The following CFI variants were observed in gnomAD, a reference collection of about 807,000 sequenced individuals.
CFI encodes complement factor I.
In CFI, 66 loss-of-function variants were observed where a neutral mutation model predicts 78.8. That is an observed-to-expected ratio of 0.84 (90% CI 0.69 to 1.03). The LOEUF is 1.03. CFI is among the 50% of genes least tolerant of loss of function. CFI has a pLI of 0.00. For synonymous variants in CFI, 250 were observed against 232.6 expected (o/e 1.07, Z -0.68); for missense variants, 706 against 704.5 (o/e 1.00, Z -0.02).
the CFI span, among the ~76,000 whole-genome samples, chr4:109,731,416 G>C: frequency 1.3e-5 from 2 of 152,100 alleles, no homozygotes; most frequent in African/African-American, 4.8e-5. Flanking sequence ...ATAAGTTCTA[G>C]GTTTGGCCTT....
chr4:109,774,908 T>C (rs1294066333), intron 1 of CFI, among the ~76,000 whole-genome samples: 2 of 152,164 alleles, frequency 1.3e-5, no homozygotes, highest in East Asian at 3.9e-4. Flanking sequence ...TTTGTGCTCT[T>C]TCAGTCTTTT....
chr4:109,748,606 G>A (rs1451424906), intron 10 of CFI, among the ~76,000 whole-genome samples: 3 of 152,158 alleles, frequency 2.0e-5, no homozygotes, highest in African/African-American at 4.8e-5. Flanking sequence ...TCTGGCAGGG[G>A]AAACAATATA....
chr4:109,749,375 A>G, intron 9 of CFI, 54 bp from the exon 10 acceptor site: 1 of 1,535,078 alleles, frequency 6.5e-7, no homozygotes, highest in African/African-American at 1.4e-5. Context: ...CGATACAAAC[A>G]GCCCTAAGAT....
the CFI span, among the ~76,000 whole-genome samples, chr4:109,733,985 C>T: frequency 4.6e-5 from 7 of 151,956 alleles, no homozygotes; most frequent in East Asian, 5.8e-4. Context: ...GCCTGGGTAA[C>T]ATAGCAAAAC....
intron 11 of CFI, among the ~76,000 whole-genome samples, chr4:109,742,949 C>T (rs1471585464): frequency 6.6e-6 from 1 of 152,212 alleles, no homozygotes; most frequent in Non-Finnish European, 1.5e-5. Flanking sequence ...TATCTTCTCA[C>T]AGTCCCTTAT....
At chr4:109,770,102 C>G (rs532476555) in intron 1 of CFI, among the ~76,000 whole-genome samples, 43 of 152,220 alleles carry the variant, frequency 2.8e-4, no homozygotes, top group African/African-American at 1.0e-3. Flanking sequence ...TTACGGGAAG[C>G]CATTTTTTTA....
chr4:109,780,648 C>T (rs947839623), intron 1 of CFI, among the ~76,000 whole-genome samples: 3 of 152,076 alleles, frequency 2.0e-5, no homozygotes, highest in African/African-American at 7.2e-5. Context: ...CATTACTGGG[C>T]ATATACCCAA....
chr4:109,785,857 T>C (rs1219594939), intron 1 of CFI, among the ~76,000 whole-genome samples: 1 of 152,040 alleles, frequency 6.6e-6, no homozygotes, highest in Non-Finnish European at 1.5e-5. Flanking sequence ...CTCCTGCCGC[T>C]TTGTGAGAAG....
intron 1 of CFI, among the ~76,000 whole-genome samples, chr4:109,779,032 A>T (rs1449146131): frequency 1.2e-4 from 19 of 152,194 alleles, no homozygotes; most frequent in Admixed American, 1.2e-3. Flanking sequence ...TATCATACTG[A>T]ATGAGCAAAA....
chr4:109,770,188 T>C (rs1728385957), intron 1 of CFI, among the ~76,000 whole-genome samples: 1 of 152,096 alleles, frequency 6.6e-6, no homozygotes, highest in Non-Finnish European at 1.5e-5. Flanking sequence ...GTAATTAAAC[T>C]GAAACTTTAA....
chr4:109,744,550 A>T lies in CFI; in HGVS notation c.1429+1672T>A, dbSNP rs548397490. On this transcript the variant is annotated intron_variant, in intron 11 of 12. Coordinates refer to ENST00000394634, the MANE Select transcript of CFI (RefSeq NM_000204.5). Reference sequence around the variant, plus strand: ...GACTGGCTATACCCTTCAGCTCAAGATCCTTGCTTCTCTCAAGGCAGCCTG... The same window carrying T: ...GACTGGCTATACCCTTCAGCTCAAGTTCCTTGCTTCTCTCAAGGCAGCCTG... Among the ~76,000 whole-genome samples the T allele has an allele frequency of 2.6e-4, 39 of 152,082 alleles. 1 individual carries two copies. In the East Asian group the frequency reaches 4.1e-3, roughly 16 times the overall value.
chr4:109,794,317 C>T (rs9994162), intron 1 of CFI: 28,094 of 151,972 alleles, frequency 0.18, 4,988 homozygotes, highest in African/African-American at 0.45. Flanking sequence ...CTGTTCATTC[C>T]TTGTCATCCT....
rs200544168 is a variant in CFI, at chr4:109,760,365, C to A, written c.788G>T (p.Gly263Val). 17 of 1,613,804 alleles carry A rather than the reference C, an allele frequency of 1.1e-5. No individual in the cohort carries two copies. Among genetic ancestry groups the A allele is most frequent in the Non-Finnish European group, 1.3e-5 (15 of 1,179,818 alleles). ...ELCCKACQGKGFHCKSGVCIP... is the reference protein window; with the variant it reads ...ELCCKACQGKVFHCKSGVCIP... ...GCAAACACCCGATTTGCAATGGAAG[C>A]CTTTGCCTTGGCATGCTGTGCAAAC... is the stretch of plus-strand genomic sequence containing the variant. The change falls in exon 6 of 13, where the codon GGC becomes GTC. Residue 263 changes from glycine (G) to valine (V), a missense_variant. Transcript: ENST00000394634.
At chr4:109,788,350 T>C (rs1443586149) in intron 1 of CFI, among the ~76,000 whole-genome samples, 1 of 152,144 alleles carries the variant, frequency 6.6e-6, no homozygotes, top group Non-Finnish European at 1.5e-5. Flanking sequence ...CATCAATATA[T>C]GAGAATATCT....
intron 3 of CFI, 97 bp from the exon 4 acceptor site, chr4:109,761,789 C>A: frequency 3.0e-6 from 3 of 1,003,672 alleles, no homozygotes; most frequent in Non-Finnish European, 4.6e-6. Flanking sequence ...AATGTCCTCT[C>A]ATTCTCTATA....
intron 2 of CFI, among the ~76,000 whole-genome samples, chr4:109,765,436 G>A (rs1378373298): frequency 6.6e-6 from 1 of 152,216 alleles, no homozygotes; most frequent in Non-Finnish European, 1.5e-5. Context: ...CAAGCACTGT[G>A]TGAAGAGCCC....
intron 6 of CFI, among the ~76,000 whole-genome samples, chr4:109,759,833 G>A (rs189883725): frequency 3.3e-5 from 5 of 152,310 alleles, no homozygotes; most frequent in Admixed American, 3.3e-4. Context: ...GGTTGAGGTT[G>A]CAATGAGCCA....
chr4:109,753,709 T>C (rs1278164944), intron 7 of CFI, among the ~76,000 whole-genome samples: 1 of 119,798 alleles, frequency 8.3e-6, no homozygotes, highest in African/African-American at 3.4e-5. Context: ...TTTTATATTA[T>C]ATATTATATA....
chr4:109,780,403 T>C (rs1729851851), intron 1 of CFI, among the ~76,000 whole-genome samples: 1 of 152,106 alleles, frequency 6.6e-6, no homozygotes, highest in South Asian at 2.1e-4. Context: ...AAAATGCTCA[T>C]CATCACTGGC....
Sources: allele counts gnomAD v4.1 joint callset (sites outside exome capture counted in the v4.1 genomes callset), GRCh38; gene constraint gnomAD v4.1.1; transcripts MANE v1.5; gene names NCBI Gene and HGNC (gene_info 2026-07-23, HGNC 2026-07-21).